Variants in ZNF436 observed in about 807,000 individuals in gnomAD.
ZNF436 encodes the protein DNA-binding protein.
ZNF436 carries 22 observed loss-of-function variants against 41.9 expected under a neutral mutation model. The observed-to-expected ratio is 0.53, with a 90% confidence interval of 0.38 to 0.75. ZNF436 has a LOEUF of 0.75. ZNF436 is among the 30% of genes least tolerant of loss of function. ZNF436 has a pLI of 0.00. For synonymous variants in ZNF436, 217 were observed against 197.8 expected, an observed-to-expected ratio of 1.10 and a Z score of -0.82; for missense variants, 506 against 587.3, an observed-to-expected ratio of 0.86 and a Z score of 1.43.
rs1558000485 is a variant in ZNF436 at position 23,369,530 on chromosome 1, TAG to T, written c.-227_-226del. 1 of 531,680 alleles carries T rather than the reference TAG, an allele frequency of 1.9e-6. No individual in the cohort carries two copies. The highest frequency in any genetic ancestry group is 1.4e-5 in the South Asian group (1 of 71,536). 32.9% of individuals were successfully genotyped at this position (531,680 alleles called of 1,614,324 possible). A position where few individuals can be genotyped will look rare whatever the true frequency, so the allele number is the denominator to read the frequency against. ...GACCCGCAGGTAGATCTCGAATTCG[TAG>T]ACTTGCAGGCGAAGCCCAGATATCG... On this transcript the variant is annotated 5_prime_UTR_variant, in exon 1 of 4. An upstream open reading frame in the 5' UTR loses its in-frame stop. Coordinates refer to ENST00000314011, the MANE Select transcript of ZNF436 (RefSeq NM_001077195.2).
chr1:23,364,402 T>C (rs1363452807), intron 3 of ZNF436, among the ~76,000 whole-genome samples: 2 of 152,174 alleles, frequency 1.3e-5, no homozygotes, highest in Non-Finnish European at 2.9e-5. Flanking sequence ...CACATCCAGC[T>C]ATTTTCTTGT....
Position 23,362,826 on chromosome 1 carries a change from T to C in ZNF436, c.556A>G (p.Arg186Gly), listed in dbSNP as rs1638277084. The C allele has an allele frequency of 6.2e-7, 1 of 1,614,140 alleles. No homozygotes were observed. Among genetic ancestry groups the C allele is most frequent in the Non-Finnish European group, 8.5e-7 (1 of 1,180,060 alleles). Residue 186 changes from arginine to glycine, a missense_variant, in exon 4 of 4, where the codon AGA becomes GGA. Transcript: ENST00000314011. ...TAAGGCCTCTCCCCAGTATGTGTTCTTTGATGCTGAATAAGGTGTGAGCTG... is the reference window on the plus strand; with the variant it reads ...TAAGGCCTCTCCCCAGTATGTGTTCCTTGATGCTGAATAAGGTGTGAGCTG... Reference protein sequence around the residue: ...SRSSHLIQHQRTHTGERPYDC... With the variant: ...SRSSHLIQHQGTHTGERPYDC...
rs1646986885 is a variant in ZNF436 at position 23,360,494 on chromosome 1, C to T, written c.*1475G>A. 2.0e-5 allele frequency: 3 copies of T among 152,208 alleles called. No individual in the cohort carries two copies. The highest frequency in any genetic ancestry group is 2.0e-4 in the Admixed American group (3 of 15,272). 9.4% of individuals were successfully genotyped at this position (152,208 alleles called of 1,614,324 possible). A position where few individuals can be genotyped will look rare whatever the true frequency, so the allele number is the denominator to read the frequency against. On this transcript the variant is annotated 3_prime_UTR_variant, in exon 4 of 4. Coordinates refer to ENST00000314011, the MANE Select transcript of ZNF436 (RefSeq NM_001077195.2). Reference sequence around the variant, plus strand: ...GATAGCATCAACACTTGAGATATTTCTTAATTCCTACCTGGACTGAGATTA... The same window carrying T: ...GATAGCATCAACACTTGAGATATTTTTTAATTCCTACCTGGACTGAGATTA...
At chr1:23,368,195 C>T (rs1378097875) in intron 1 of ZNF436, 130 bp from the exon 2 acceptor site, 1 of 618,124 alleles carries the variant, frequency 1.6e-6, no homozygotes, top group Non-Finnish European at 2.8e-6. Flanking sequence ...CCTCCCTGAC[C>T]CTCGAGCGCG....
chr1:23,363,158 A>T lies in ZNF436; in HGVS notation c.224T>A (p.Phe75Tyr). The T allele has an allele frequency of 6.2e-7, 1 of 1,614,028 alleles. No homozygotes were observed. The highest frequency in any genetic ancestry group is 8.5e-7 in the Non-Finnish European group (1 of 1,179,980). ...PKQEISEDVQ[F>Y]GTTSERPAEN... ...AGCAGGTCTTTCAGATGTAGTCCCA[A>T]ATTGTACATCTTCACTAATCTCTTG... The change falls in exon 4 of 4, where the codon TTT becomes TAT. Residue 75 changes from phenylalanine to tyrosine, a missense_variant. Physicochemically the swap from Phe to Tyr is conservative, Grantham distance 22 (BLOSUM62 3). Around this residue, in one of 2 missense-constraint regions of ZNF436, gnomAD observed 228 missense variants for 215.1 expected, o/e 1.06. Transcript: ENST00000314011.
Position 23,363,134 on chromosome 1 carries a change from G to T in ZNF436, c.248C>A (p.Ala83Asp), listed in dbSNP as rs749010016. The change falls in exon 4 of 4, where the codon GCT becomes GAT. Residue 83 changes from alanine (A) to aspartate (D), a missense_variant. By Grantham distance (126) the Ala-to-Asp change is moderately radical (BLOSUM62 -2). This residue lies in a region of ZNF436 where 228 missense variants were observed against 215.1 expected (regional missense o/e 1.06). Transcript: ENST00000314011. ...VQFGTTSERP[A>D]ENAEENPESE... ...TTCAGGATTTTCCTCAGCATTCTCAGCAGGTCTTTCAGATGTAGTCCCAAA... is the reference window on the plus strand; with the variant it reads ...TTCAGGATTTTCCTCAGCATTCTCATCAGGTCTTTCAGATGTAGTCCCAAA... The T allele has an allele frequency of 1.2e-6, 2 of 1,614,128 alleles. No individual in the cohort carries two copies. Among genetic ancestry groups the T allele is most frequent in the South Asian group, 2.2e-5 (2 of 91,082 alleles).
chr1:23,366,963 A>G, intron 3 of ZNF436, 79 bp downstream of exon 3: 3 of 1,517,830 alleles, frequency 2.0e-6, no homozygotes, highest in Middle Eastern at 1.8e-4. Flanking sequence ...TCAAACCACT[A>G]GGCTGTGTTG....
At chr1:23,369,185 G>T in intron 1 of ZNF436, 181 bp downstream of exon 1, 2 of 396,816 alleles carry the variant, frequency 5.0e-6, no homozygotes, top group South Asian at 2.0e-5. Flanking sequence ...CTGCGGGGGG[G>T]GCGGGCCCTC....
Position 23,362,309 on chromosome 1 carries a change from C to T in ZNF436, c.1073G>A (p.Gly358Glu). Residue 358 changes from glycine (G) to glutamate (E), a missense_variant, in exon 4 of 4, where the codon GGA (glycine) becomes GAA (glutamate). Coordinates refer to ENST00000314011, the MANE Select transcript of ZNF436 (RefSeq NM_001077195.2). ...AGCATTGCATTCATATGGCTTCTCT[C>T]CAGTGTGAGTTCTCTGGTGCTGAAC... is the stretch of plus-strand genomic sequence containing the variant. Reference protein sequence around the residue: ...HLVQHQRTHTGEKPYECNACG... With the variant: ...HLVQHQRTHTEEKPYECNACG... 1 of 1,613,996 alleles carries T rather than the reference C, an allele frequency of 6.2e-7. No homozygotes were observed. Among genetic ancestry groups the T allele is most frequent in the Non-Finnish European group, 8.5e-7 (1 of 1,180,008 alleles).
Position 23,360,258 on chromosome 1 carries a change from T to C in ZNF436, c.*1711A>G, listed in dbSNP as rs1303902546. 4 of 152,240 alleles carry C rather than the reference T, an allele frequency of 2.6e-5. No individual in the cohort carries two copies. 9.4% of individuals were successfully genotyped at this position (152,240 alleles called of 1,614,324 possible). Reference sequence around the variant, plus strand: ...AGCTGTGGGTCACAATAACTCATTATAGTACCCACCCAGAGAGACCACTGG... The same window carrying C: ...AGCTGTGGGTCACAATAACTCATTACAGTACCCACCCAGAGAGACCACTGG... On this transcript the variant is annotated 3_prime_UTR_variant, in exon 4 of 4. Transcript: ENST00000314011.
rs1470708208 is a variant in ZNF436, at chr1:23,363,224, GTAA to G, written c.161-6_161-4del. 2 of 1,604,552 alleles carry G rather than the reference GTAA, an allele frequency of 1.2e-6. No homozygotes were observed. The highest frequency in any genetic ancestry group is 1.7e-6 in the Non-Finnish European group (2 of 1,176,960). On this transcript the variant is annotated splice_polypyrimidine_tract_variant and splice_region_variant and intron_variant, in intron 3 of 3. Transcript: ENST00000314011. ...GTTCTCACTCCTGATCTCAAAATCT[GTAA>G]TAAAAAGTAAACAATAAGACTAGTA...
rs1051731018 is a variant in ZNF436, at chr1:23,361,701, T to C, written c.*268A>G. ...CCAGGCCTAAGCATTCACCAGCATT[T>C]GTCCCCTGGTCTTCAGATTTCCAGT... On this transcript the variant is annotated 3_prime_UTR_variant, in exon 4 of 4. Transcript: ENST00000314011. The C allele has an allele frequency of 5.7e-6, 2 of 352,254 alleles. No individual in the cohort carries two copies. The highest frequency in any genetic ancestry group is 1.0e-5 in the Non-Finnish European group (2 of 193,236). 21.8% of individuals were successfully genotyped at this position (352,254 alleles called of 1,614,324 possible). A position where few individuals can be genotyped will look rare whatever the true frequency, so the allele number is the denominator to read the frequency against.
At chr1:23,368,116 A>G (rs1638403517) in intron 1 of ZNF436, 51 bp from the exon 2 acceptor site, 4 of 1,259,162 alleles carry the variant, frequency 3.2e-6, no homozygotes, top group Non-Finnish European at 3.4e-6. Context: ...GGCCCTGCCC[A>G]CTCCCCAGGG....
At position 23,366,365 on chromosome 1, in the gene ZNF436, C is replaced by CAA. The variant is rs773045879; in HGVS notation, c.160+675_160+676dup. Reference sequence around the variant, plus strand: ...AGTCTTGACAGGAGGCAAAGTGAGGCAAAGTGAGTCAAAAGACCGTTCAGC... The same window carrying CAA: ...AGTCTTGACAGGAGGCAAAGTGAGGCAAAAAGTGAGTCAAAAGACCGTTCAGC... On this transcript the variant is annotated intron_variant, in intron 3 of 3. Coordinates refer to ENST00000314011, the MANE Select transcript of ZNF436 (RefSeq NM_001077195.2). Among the ~76,000 whole-genome samples, 1,165 of 152,122 alleles carry CAA rather than the reference C, an allele frequency of 7.7e-3. 15 individuals are homozygous for CAA. The highest frequency in any genetic ancestry group is 0.011 in the Non-Finnish European group (734 of 67,992).
In ZNF436 at chr1:23,362,564, G is replaced by A. The variant is rs769807580; in HGVS notation, c.818C>T (p.Thr273Met). Residue 273 changes from threonine to methionine, a missense_variant, in exon 4 of 4, where the codon ACG becomes ATG. By Grantham distance (81) the Thr-to-Met change is moderately conservative. Coordinates refer to ENST00000314011, the MANE Select transcript of ZNF436 (RefSeq NM_001077195.2). ...GTTACATTCATAAGGTTTCTCACCC[G>A]TGTGGGTCCTCTGGTGCTGAGCTAG... ...SHLAQHQRTH[T>M]GEKPYECNEC... The A allele has an allele frequency of 1.8e-5, 29 of 1,613,832 alleles. No homozygotes were observed. The highest frequency in any genetic ancestry group is 3.3e-5 in the South Asian group (3 of 91,044).
chr1:23,366,033 G>A (rs1638353367), intron 3 of ZNF436, among the ~76,000 whole-genome samples: 1 of 152,064 alleles, frequency 6.6e-6, no homozygotes, highest in South Asian at 2.1e-4. Context: ...GTGCTTTTGG[G>A]GCTAAACTGT....
chr1:23,369,178 C>CG (rs561674504), intron 1 of ZNF436, 188 bp downstream of exon 1: 5,916 of 383,990 alleles, frequency 0.015, 63 homozygotes, highest in Middle Eastern at 0.027. Flanking sequence ...CAGGCCCCTG[C>CG]GGGGGGGGCG....
intron 3 of ZNF436, among the ~76,000 whole-genome samples, chr1:23,366,538 C>T (rs982454584): frequency 1.3e-5 from 2 of 152,174 alleles, no homozygotes; most frequent in African/African-American, 4.8e-5. Flanking sequence ...CAGCATTTGA[C>T]ACACTACAAA....
At chr1:23,366,971 T>C (rs1314913004) in intron 3 of ZNF436, 71 bp downstream of exon 3, 52 of 1,553,264 alleles carry the variant, frequency 3.3e-5, no homozygotes, top group Non-Finnish European at 4.5e-5. Flanking sequence ...CTAGGCTGTG[T>C]TGAAAGAACT....
Sources: allele counts gnomAD v4.1 joint callset (sites outside exome capture counted in the v4.1 genomes callset), GRCh38; gene constraint gnomAD v4.1.1; regional missense constraint gnomAD v4.1.1; transcripts MANE v1.5; gene names NCBI Gene and HGNC (gene_info 2026-07-23, HGNC 2026-07-21).